The following NUB1 variants were observed in gnomAD, a reference collection of about 807,000 sequenced individuals.
NUB1 encodes the protein negative regulator of ubiquitin like proteins 1.
NUB1 carries 41 observed loss-of-function variants against 77.1 expected under a neutral mutation model. The ratio of observed to expected loss-of-function variants is 0.53; its 90% CI spans 0.41 to 0.69. NUB1 has a LOEUF of 0.69. Among genes scored for constraint, NUB1 ranks in the 30% least tolerant of loss-of-function variants. The pLI is 0.00. For synonymous variants in NUB1, 257 were observed against 281.0 expected, an observed-to-expected ratio of 0.91 and a Z score of 0.85; for missense variants, 643 against 743.8, an observed-to-expected ratio of 0.86 and a Z score of 1.58.
chr7:151,356,774 A>G (rs868043295), intron 7 of NUB1, among the ~76,000 whole-genome samples: 65 of 152,092 alleles, frequency 4.3e-4, no homozygotes, highest in African/African-American at 1.3e-3. Context: ...CTGGAGTGCA[A>G]TGGCTCAGTC....
intron 2 of NUB1, among the ~76,000 whole-genome samples, chr7:151,348,724 C>T (rs1216972510): frequency 2.0e-5 from 3 of 151,828 alleles, no homozygotes; most frequent in Non-Finnish European, 4.4e-5. Context: ...TACAGGCACA[C>T]GCCACCATGC....
chr7:151,375,806 G>T (rs200617112), intron 12 of NUB1, 42 bp from the exon 13 acceptor site: 4 of 1,316,110 alleles, frequency 3.0e-6, no homozygotes, highest in Non-Finnish European at 3.3e-6. Context: ...AATGTGTGAA[G>T]AGTTCTTAGT....
rs1368009147 is a variant in NUB1 at position 151,360,218 on chromosome 7, A to T, written c.771A>T (p.Pro257=). The T allele has an allele frequency of 6.2e-7, 1 of 1,608,814 alleles. No homozygotes were observed. Among genetic ancestry groups the T allele is most frequent in the Admixed American group, 1.7e-5 (1 of 59,996 alleles). The change falls in exon 8 of 15, where the codon CCA becomes CCT. Residue 257 remains proline (P), a synonymous_variant. Transcript: ENST00000568733. The part of the protein sequence containing the change: ...LKRKEYGIAL[P]CLLDADKYFC... ...GAAAAGAATATGGAATAGCCTTGCC[A>T]TGTCTGTTGGACGCTGACAAATATT...
chr7:151,342,087 G>A, intron 1 of NUB1: 2 of 544,826 alleles, frequency 3.7e-6, no homozygotes, highest in Middle Eastern at 5.3e-4. Flanking sequence ...GCAGAGGTGT[G>A]GGGTATTTAA....
chr7:151,377,286 A>C lies in NUB1; in HGVS notation c.*61A>C. 3 of 1,113,360 alleles carry C rather than the reference A, an allele frequency of 2.7e-6. No individual in the cohort carries two copies. Among genetic ancestry groups the C allele is most frequent in the Non-Finnish European group, 3.7e-6 (3 of 805,836 alleles). The allele number at this position is 1,113,360 out of a possible 1,614,324, so 69.0% of individuals were successfully genotyped here. ...AAATGCTATCATTATGAAAAGGCTA[A>C]TGCAGCTCTTTCTGTTCTTACTTTT... On this transcript the variant is annotated 3_prime_UTR_variant, in exon 15 of 15. Coordinates refer to ENST00000568733, the MANE Select transcript of NUB1 (RefSeq NM_001243351.2).
intron 2 of NUB1, among the ~76,000 whole-genome samples, chr7:151,348,765 G>C (rs1796637926): frequency 6.6e-6 from 1 of 151,614 alleles, no homozygotes; most frequent in Non-Finnish European, 1.5e-5. Flanking sequence ...AGTAGTTATG[G>C]GGTTTCACCA....
In NUB1 at chr7:151,348,993, T is replaced by A; in HGVS notation, c.118-80T>A. ...CCTCCACTCATCAGAGTTGATGGCC[T>A]TAGAGTCTTTCATGCCCTTTTCTAT... On this transcript the variant is annotated intron_variant, in intron 2 of 14. Coordinates refer to ENST00000568733, the MANE Select transcript of NUB1 (RefSeq NM_001243351.2). The A allele has an allele frequency of 2.3e-6, 3 of 1,327,892 alleles. No homozygotes were observed. In the East Asian group the frequency reaches 6.9e-5, roughly 31 times the overall value. 82.3% of individuals were successfully genotyped at this position (1,327,892 alleles called of 1,614,324 possible). A position where few individuals can be genotyped will look rare whatever the true frequency, so the allele number is the denominator to read the frequency against.
chr7:151,368,014 A>G (rs1456217768), intron 10 of NUB1, 46 bp downstream of exon 10: 2 of 1,121,064 alleles, frequency 1.8e-6, no homozygotes, highest in East Asian at 2.6e-5. Context: ...CTTTTAAAAA[A>G]CATTCCCAGA....
intron 1 of NUB1, among the ~76,000 whole-genome samples, chr7:151,343,775 G>A (rs1796323081): frequency 6.6e-6 from 1 of 152,122 alleles, no homozygotes; most frequent in South Asian, 2.1e-4. Flanking sequence ...CAGTGTTGTG[G>A]GTGGAAGTTG....
At chr7:151,351,853 A>C (rs182809433) in intron 4 of NUB1, among the ~76,000 whole-genome samples, 40 of 152,188 alleles carry the variant, frequency 2.6e-4, no homozygotes, top group Non-Finnish European at 5.0e-4. Flanking sequence ...TAATGTATTA[A>C]TAGCTTGCTA....
At chr7:151,370,626 C>T (rs564189998) in intron 11 of NUB1, among the ~76,000 whole-genome samples, 10 of 152,026 alleles carry the variant, frequency 6.6e-5, no homozygotes, top group Admixed American at 2.0e-4. Context: ...ATGTGCCATG[C>T]TGGTGCGCTG....
intron 8 of NUB1, among the ~76,000 whole-genome samples, chr7:151,362,074 C>T (rs1797403943): frequency 1.3e-5 from 2 of 152,150 alleles, no homozygotes; most frequent in African/African-American, 4.8e-5. Context: ...GTGAGCCTCC[C>T]TCAATCTTTT....
chr7:151,344,724 G>T (rs1796398094), intron 1 of NUB1, among the ~76,000 whole-genome samples: 1 of 152,122 alleles, frequency 6.6e-6, no homozygotes, highest in African/African-American at 2.4e-5. Flanking sequence ...AAGTATGAGA[G>T]AATTTACAAG....
chr7:151,356,232 A>C lies in NUB1; in HGVS notation c.693+10A>C. 1 of 1,583,246 alleles carries C rather than the reference A, an allele frequency of 6.3e-7. No homozygotes were observed. The highest frequency in any genetic ancestry group is 8.7e-7 in the Non-Finnish European group (1 of 1,152,156). The stretch of plus-strand genomic sequence containing the variant: ...CCCATCAGAAAGAAAAGTAAGTACT[A>C]TGAGAAATGTGTGGCCTGTTCTTAG... On this transcript the variant is annotated intron_variant, in intron 7 of 14. Transcript: ENST00000568733.
At chr7:151,359,762 A>T (rs774094265) in intron 7 of NUB1, among the ~76,000 whole-genome samples, 11 of 151,882 alleles carry the variant, frequency 7.2e-5, no homozygotes, top group Non-Finnish European at 1.5e-4. Flanking sequence ...GGACGACAGA[A>T]TGAGACTCCG....
Position 151,377,054 on chromosome 7 carries a change from T to C in NUB1, c.1677T>C (p.Ser559=), listed in dbSNP as rs1346428489. Residue 559 remains serine, a synonymous_variant, in exon 15 of 15, where the codon TCT becomes TCC. Coordinates refer to ENST00000568733, the MANE Select transcript of NUB1 (RefSeq NM_001243351.2). The stretch of plus-strand genomic sequence containing the variant: ...TGCGGTATTTTATTGTAGGAACCTC[T>C]AGTGCCTCAACAGACGAAGACATGG... ...ATSPSDSAGT[S]SASTDEDMET... 6.4e-7 allele frequency: 1 copy of C among 1,555,024 alleles called. No homozygotes were observed. Among genetic ancestry groups the C allele is most frequent in the East Asian group, 2.3e-5 (1 of 43,074 alleles).
At position 151,355,841 on chromosome 7, in the gene NUB1, G is replaced by A; in HGVS notation, c.489G>A (p.Glu163=). ...AMVLELKQSE[E]DARKNFQLEE... ...TGCTTGAACTAAAACAATCTGAAGA[G>A]GACGCGAGGAAAAACTTCCAGTTAG... is the stretch of plus-strand genomic sequence containing the variant. Residue 163 remains glutamate, a synonymous_variant, in exon 6 of 15, where the codon GAG becomes GAA. Coordinates refer to ENST00000568733, the MANE Select transcript of NUB1 (RefSeq NM_001243351.2). 6.2e-7 allele frequency: 1 copy of A among 1,612,334 alleles called. No homozygotes were observed. The highest frequency in any genetic ancestry group is 2.2e-5 in the East Asian group (1 of 44,848).
chr7:151,349,211 G>C lies in NUB1; in HGVS notation c.256G>C (p.Glu86Gln), dbSNP rs751445697. ...NYRTTGIATI[E>Q]VFLPPRLKKD... is the part of the protein sequence containing the mutation. Reference sequence around the variant, plus strand: ...TAGAACAACGGGAATTGCTACAATCGAGGTGTTTTTACCACCAAGACTAAA... The same window carrying C: ...TAGAACAACGGGAATTGCTACAATCCAGGTGTTTTTACCACCAAGACTAAA... Residue 86 changes from glutamate (E) to glutamine (Q), a missense_variant, in exon 3 of 15, where the codon GAG becomes CAG. Transcript: ENST00000568733. 6.2e-7 allele frequency: 1 copy of C among 1,612,076 alleles called. No homozygotes were observed. Among genetic ancestry groups the C allele is most frequent in the South Asian group, 1.1e-5 (1 of 90,832 alleles).
intron 5 of NUB1, among the ~76,000 whole-genome samples, chr7:151,354,930 A>G (rs1313225829): frequency 1.3e-5 from 2 of 152,162 alleles, no homozygotes; most frequent in East Asian, 3.9e-4. Context: ...TTTTCTGTGG[A>G]GACGGGGTCC....
Sources: gnomAD v4.1 joint callset for allele counts (sites outside exome capture counted in the v4.1 genomes callset) on GRCh38, gnomAD v4.1.1 for gene constraint, MANE v1.5 for transcripts, NCBI Gene and HGNC (gene_info 2026-07-23, HGNC 2026-07-21) for gene names.